IL20RB: variants seen among roughly 807,000 people sequenced by gnomAD.
IL20RB encodes interleukin 20 receptor subunit beta, also known as interleukin-20 receptor subunit beta.
A neutral mutation model predicts 33.3 loss-of-function variants in IL20RB; 21 were observed. The observed-to-expected ratio is 0.63, with a 90% confidence interval of 0.45 to 0.91. The LOEUF (loss-of-function observed/expected upper bound fraction) is 0.91. IL20RB is among the 40% of genes least tolerant of loss of function. The pLI is 0.00. For synonymous variants in IL20RB, 147 were observed against 146.8 expected, an observed-to-expected ratio of 1.00 and a Z score of -0.01; for missense variants, 345 against 384.8, an observed-to-expected ratio of 0.90 and a Z score of 0.86.
chr3:136,972,235 T>G (rs1941504337), intron 1 of IL20RB, among the ~76,000 whole-genome samples: 1 of 152,202 alleles, frequency 6.6e-6, no homozygotes. Flanking sequence ...ATTACTCTGT[T>G]GTTGGATGAA....
chr3:137,003,704 A>T (rs954345980), intron 6 of IL20RB, among the ~76,000 whole-genome samples: 1 of 152,214 alleles, frequency 6.6e-6, no homozygotes, highest in Non-Finnish European at 1.5e-5. Context: ...CAATCATGTC[A>T]TCTGCAAACA....
intron 1 of IL20RB, among the ~76,000 whole-genome samples, chr3:136,959,917 G>A (rs1405862146): frequency 6.6e-6 from 1 of 152,024 alleles, no homozygotes; most frequent in African/African-American, 2.4e-5. Context: ...AAACAAAAGC[G>A]CTTTGAAGAC....
chr3:137,009,828 A>AC (rs1553808391), intron 6 of IL20RB, among the ~76,000 whole-genome samples: 1 of 149,880 alleles, frequency 6.7e-6, no homozygotes, highest in Non-Finnish European at 1.5e-5. Context: ...CCTGCCTTTA[A>AC]TTTTTTTTTT....
At chr3:136,973,191 A>G (rs1027780698) in intron 1 of IL20RB, among the ~76,000 whole-genome samples, 3 of 152,002 alleles carry the variant, frequency 2.0e-5, no homozygotes, top group Non-Finnish European at 2.9e-5. Context: ...TGATTTTTAA[A>G]AATTTGTTGG....
At chr3:137,006,847 G>A (rs570049112) in intron 6 of IL20RB, among the ~76,000 whole-genome samples, 13 of 152,158 alleles carry the variant, frequency 8.5e-5, no homozygotes, top group Admixed American at 2.0e-4. Flanking sequence ...GAGGAGAAGA[G>A]GTGTTCTGAT....
At chr3:136,985,242 C>T (rs1405043474) in intron 3 of IL20RB, among the ~76,000 whole-genome samples, 1 of 151,866 alleles carries the variant, frequency 6.6e-6, no homozygotes, top group African/African-American at 2.4e-5. Context: ...TGTCCTCTTC[C>T]ATTTGAAAAA....
chr3:136,984,441 G>C (rs1941854492), intron 3 of IL20RB, among the ~76,000 whole-genome samples: 1 of 151,986 alleles, frequency 6.6e-6, no homozygotes, highest in South Asian at 2.1e-4. Flanking sequence ...AATGTAACCA[G>C]TTTAGAGCTG....
chr3:137,008,972 G>A (rs559660080), intron 6 of IL20RB, among the ~76,000 whole-genome samples: 1 of 152,196 alleles, frequency 6.6e-6, no homozygotes, highest in Non-Finnish European at 1.5e-5. Flanking sequence ...GCAGATGTAG[G>A]GAGTTAGTGT....
chr3:137,002,909 C>A (rs564080596), intron 6 of IL20RB, among the ~76,000 whole-genome samples: 1 of 152,278 alleles, frequency 6.6e-6, no homozygotes, highest in African/African-American at 2.4e-5. Context: ...TTAGGTCTAA[C>A]ATTTAAGTCT....
intron 1 of IL20RB, among the ~76,000 whole-genome samples, chr3:136,972,689 A>C (rs1682360): frequency 6.6e-6 from 1 of 152,026 alleles, no homozygotes; most frequent in Non-Finnish European, 1.5e-5. Context: ...TCTCTTCTTG[A>C]TTAGTCTAGC....
chr3:136,975,631 C>G (rs1453029441), intron 1 of IL20RB, among the ~76,000 whole-genome samples: 1 of 152,210 alleles, frequency 6.6e-6, no homozygotes, highest in Non-Finnish European at 1.5e-5. Flanking sequence ...GCCGCTGCAC[C>G]TGGCCCATTT....
At position 137,007,590 on chromosome 3, in the gene IL20RB, C is replaced by T. The variant is rs951215108; in HGVS notation, c.826-2523C>T. Among the ~76,000 whole-genome samples, 5 of 152,272 alleles carry T rather than the reference C, an allele frequency of 3.3e-5. No homozygotes were observed. In the South Asian group the frequency reaches 6.2e-4, roughly 19 times the overall value. On this transcript the variant is annotated intron_variant, in intron 6 of 6. Transcript: ENST00000329582. ...AAGGCTCCATGGGCATGAGACCTGC[C>T]GAGCCAGGCACGAGAGAGAATCACC...
At chr3:136,963,376 G>A (rs1232391919) in intron 1 of IL20RB, among the ~76,000 whole-genome samples, 1 of 152,044 alleles carries the variant, frequency 6.6e-6, no homozygotes, top group Non-Finnish European at 1.5e-5. Context: ...AAACTATTTT[G>A]AAAAAGAGTA....
In IL20RB at chr3:136,958,066, C is replaced by CT. The variant is rs1941089680; in HGVS notation, c.-45dup. 3.5e-6 allele frequency: 4 copies of CT among 1,134,120 alleles called. No homozygotes were observed. Among genetic ancestry groups the CT allele is most frequent in the Non-Finnish European group, 5.3e-6 (4 of 748,066 alleles). The allele number at this position is 1,134,120 out of a possible 1,614,324, so 70.3% of individuals were successfully genotyped here. A position where few individuals can be genotyped will look rare whatever the true frequency, so the allele number is the denominator to read the frequency against. ...AAAGATGGCTGAGATGGACAGAATGCTTTATTTTGGAAAGAAACAATGTTC... is the reference window on the plus strand; with the variant it reads ...AAAGATGGCTGAGATGGACAGAATGCTTTTATTTTGGAAAGAAACAATGTTC... On this transcript the variant is annotated 5_prime_UTR_variant, in exon 1 of 7. The change creates a premature stop within an existing upstream ORF in the 5' untranslated region. Transcript: ENST00000329582.
chr3:136,984,646 G>C (rs1941858262), intron 3 of IL20RB, among the ~76,000 whole-genome samples: 1 of 151,634 alleles, frequency 6.6e-6, no homozygotes, highest in African/African-American at 2.4e-5. Context: ...AAGCTGAAGA[G>C]CAGAGGAGGG....
At chr3:136,958,904 G>A (rs1941117972) in intron 1 of IL20RB, among the ~76,000 whole-genome samples, 1 of 132,256 alleles carries the variant, frequency 7.6e-6, no homozygotes, top group Non-Finnish European at 1.6e-5. Flanking sequence ...TGGGAGCCTT[G>A]AGTACTTTCT....
chr3:136,971,266 G>A (rs1941476756), intron 1 of IL20RB, among the ~76,000 whole-genome samples: 1 of 152,076 alleles, frequency 6.6e-6, no homozygotes, highest in Non-Finnish European at 1.5e-5. Context: ...AAGTAGCTGG[G>A]ACTATGGGCA....
chr3:136,991,826 T>C, intron 4 of IL20RB, 112 bp from the exon 5 acceptor site: 1 of 1,042,746 alleles, frequency 9.6e-7, no homozygotes, highest in South Asian at 1.6e-5. Context: ...GTCAGGCTGG[T>C]CTTGAACTCC....
intron 5 of IL20RB, 122 bp from the exon 6 acceptor site, chr3:136,995,292 T>A: frequency 8.7e-7 from 1 of 1,147,342 alleles, no homozygotes; most frequent in Non-Finnish European, 1.2e-6. Flanking sequence ...AATCTCAGGA[T>A]TCTGTTATCT....
Sources: gnomAD v4.1 joint callset for allele counts (sites outside exome capture counted in the v4.1 genomes callset) on GRCh38, gnomAD v4.1.1 for gene constraint, MANE v1.5 for transcripts, NCBI Gene and HGNC (gene_info 2026-07-23, HGNC 2026-07-21) for gene names.